MAPK4: variants seen among roughly 807,000 people sequenced by gnomAD.
The protein encoded by MAPK4 is mitogen-activated protein kinase 4, also known as Erk3-related.
MAPK4 carries 22 observed loss-of-function variants against 47.7 expected under a neutral mutation model. That is an observed-to-expected ratio of 0.46 (90% CI 0.33 to 0.66). MAPK4 has a LOEUF of 0.66. Among genes scored for constraint, MAPK4 ranks in the 30% least tolerant of loss-of-function variants. MAPK4 has a pLI of 0.02. For synonymous variants in MAPK4, 390 were observed against 365.7 expected, an observed-to-expected ratio of 1.07 and a Z score of -0.76; for missense variants, 736 against 831.7, an observed-to-expected ratio of 0.88 and a Z score of 1.42.
chr18:50,585,433 C>T (rs1346047677), intron 1 of MAPK4, among the ~76,000 whole-genome samples: 1 of 152,230 alleles, frequency 6.6e-6, no homozygotes, highest in Admixed American at 6.5e-5. Context: ...CTCTTTCCCT[C>T]TTCCCTGTCC....
At chr18:50,600,809 GA>G (rs562863530) in intron 1 of MAPK4, among the ~76,000 whole-genome samples, 1,518 of 145,718 alleles carry the variant, frequency 0.01, 9 homozygotes, top group East Asian at 0.053. Flanking sequence ...TTTAAAAAGT[GA>G]AAAAAAAAAA....
chr18:50,718,807 C>T (rs1450370978), intron 3 of MAPK4, among the ~76,000 whole-genome samples: 1 of 151,904 alleles, frequency 6.6e-6, no homozygotes. Context: ...ATAGGTTGGG[C>T]ATGGTGGTTC....
intron 1 of MAPK4, among the ~76,000 whole-genome samples, chr18:50,635,162 T>C (rs1306508613): frequency 6.6e-6 from 1 of 152,202 alleles, no homozygotes; most frequent in Non-Finnish European, 1.5e-5. Flanking sequence ...TTAACATCAG[T>C]GCCTCCTGTC....
At chr18:50,633,971 C>T (rs538279089) in intron 1 of MAPK4, among the ~76,000 whole-genome samples, 1 of 152,234 alleles carries the variant, frequency 6.6e-6, no homozygotes, top group African/African-American at 2.4e-5. Flanking sequence ...AACATTGTGC[C>T]ATAAATTTGG....
At position 50,726,162 on chromosome 18, in the gene MAPK4, A is replaced by G. The variant is rs776771680; in HGVS notation, c.1054A>G (p.Thr352Ala). 1.2e-6 allele frequency: 2 copies of G among 1,614,068 alleles called. No individual in the cohort carries two copies. The highest frequency in any genetic ancestry group is 2.2e-5 in the South Asian group (2 of 91,086). The change falls in exon 5 of 6, where the codon ACG (threonine) becomes GCG (alanine). Residue 352 changes from threonine (T) to alanine (A), a missense_variant. This residue lies in a region of MAPK4 where 377 missense variants were observed against 378.6 expected (regional missense o/e 1.00). Coordinates refer to ENST00000400384, the MANE Select transcript of MAPK4 (RefSeq NM_002747.4). ...ANQSQLSNWD[T>A]CSSRYPVSLS... ...CCAGAGCCAGCTGTCCAACTGGGAC[A>G]CGTGCAGTTCCAGGTGCTCGCAGCC...
chr18:50,721,987 AATCCGGGAGGAAGAC>A lies in MAPK4; in HGVS notation c.743_757del (p.Ile248_Asp252del), dbSNP rs1357201106. On this transcript the variant is annotated inframe_deletion, in exon 4 of 6. Coordinates refer to ENST00000400384, the MANE Select transcript of MAPK4 (RefSeq NM_002747.4). ...AACTCATCCTGGAGACCATCCCTGT[AATCCGGGAGGAAGAC>A]AAGGACGAGCTGCTCAGGGTGATGC... 1 of 1,613,962 alleles carries A rather than the reference AATCCGGGAGGAAGAC, an allele frequency of 6.2e-7. No homozygotes were observed. The highest frequency in any genetic ancestry group is 2.2e-5 in the East Asian group (1 of 44,880).
chr18:50,706,927 G>A (rs1450296929), intron 2 of MAPK4, among the ~76,000 whole-genome samples: 1 of 152,170 alleles, frequency 6.6e-6, no homozygotes, highest in Non-Finnish European at 1.5e-5. Flanking sequence ...ATAGGATTCA[G>A]AGTTCTTGAT....
chr18:50,631,287 C>T (rs1164358354), intron 1 of MAPK4, among the ~76,000 whole-genome samples: 1 of 151,938 alleles, frequency 6.6e-6, no homozygotes, highest in African/African-American at 2.4e-5. Flanking sequence ...GTTCCTAAGC[C>T]CAGGGAGGCT....
chr18:50,664,456 T>C lies in MAPK4; in HGVS notation c.498T>C (p.Ile166=). 1 of 1,611,854 alleles carries C rather than the reference T, an allele frequency of 6.2e-7. No individual in the cohort carries two copies. Among genetic ancestry groups the C allele is most frequent in the Non-Finnish European group, 8.5e-7 (1 of 1,178,422 alleles). Residue 166 remains isoleucine, a synonymous_variant, in exon 2 of 6, where the codon ATT becomes ATC. Transcript: ENST00000400384. The surrounding 1 kb of genome is among the most constrained non-coding windows in gnomAD (Gnocchi z 6.0). ...GCACAGAGGACCTCGTGCTCAAGAT[T>C]GGGGATTTCGGGTTGGCAAGGATCG... The part of the protein sequence containing the change: ...FISTEDLVLK[I]GDFGLARIVD...
intron 1 of MAPK4, among the ~76,000 whole-genome samples, chr18:50,617,651 T>G (rs1443445139): frequency 1.3e-5 from 2 of 152,178 alleles, no homozygotes; most frequent in Non-Finnish European, 1.5e-5. Context: ...ATTATAACTC[T>G]CTTCATGGGC....
chr18:50,727,893 T>C (rs1598965165), intron 5 of MAPK4, among the ~76,000 whole-genome samples: 1 of 152,154 alleles, frequency 6.6e-6, no homozygotes, highest in African/African-American at 2.4e-5. Context: ...CTACAGATAA[T>C]GTATGTTTGG....
intron 1 of MAPK4, among the ~76,000 whole-genome samples, chr18:50,628,945 G>C (rs2042805215): frequency 1.3e-5 from 2 of 152,212 alleles, no homozygotes. Flanking sequence ...ATCCAGATTA[G>C]ACTGGGGAGA....
At position 50,709,946 on chromosome 18, in the gene MAPK4, A is replaced by T. The variant is rs917021768; in HGVS notation, c.547-5133A>T. Among the ~76,000 whole-genome samples the T allele has an allele frequency of 2.3e-4, 35 of 151,996 alleles. 1 individual carries two copies. The highest frequency in any genetic ancestry group is 3.7e-4 in the Non-Finnish European group (25 of 67,914). On this transcript the variant is annotated intron_variant, in intron 2 of 5. Coordinates refer to ENST00000400384, the MANE Select transcript of MAPK4 (RefSeq NM_002747.4). ...TCTTTGAAGACAAGGGATGATCTGA[A>T]TCATTTTCCCATCCTTCACACAGGG...
At chr18:50,640,691 C>A (rs192661012) in intron 1 of MAPK4, among the ~76,000 whole-genome samples, 1 of 152,312 alleles carries the variant, frequency 6.6e-6, no homozygotes, top group Non-Finnish European at 1.5e-5. Flanking sequence ...GTCTCGAACT[C>A]CTGACCTCAG....
At chr18:50,579,378 C>T (rs1196591832) in intron 1 of MAPK4, among the ~76,000 whole-genome samples, 7 of 152,156 alleles carry the variant, frequency 4.6e-5, no homozygotes, top group African/African-American at 1.4e-4. Context: ...CTTCCCCCTA[C>T]ATGAATATTG....
chr18:50,663,931 T>A lies in MAPK4; in HGVS notation c.-28T>A. 1 of 1,583,760 alleles carries A rather than the reference T, an allele frequency of 6.3e-7. No homozygotes were observed. The highest frequency in any genetic ancestry group is 8.6e-7 in the Non-Finnish European group (1 of 1,161,752). On this transcript the variant is annotated 5_prime_UTR_variant, in exon 2 of 6. Coordinates refer to ENST00000400384, the MANE Select transcript of MAPK4 (RefSeq NM_002747.4). ...CTTTCCTGACTGCCCCTGTGTTACC[T>A]GGGCAGCTCCAGATCACTGAGCCCA...
chr18:50,568,933 TG>T (rs1456046198), intron 1 of MAPK4, among the ~76,000 whole-genome samples: 1 of 152,276 alleles, frequency 6.6e-6, no homozygotes. Context: ...TTACTTTTTA[TG>T]GGTCTTGGTT....
Position 50,729,342 on chromosome 18 carries a change from C to G in MAPK4, c.1252C>G (p.Arg418Gly), listed in dbSNP as rs764684614. The change falls in exon 6 of 6, where the codon CGC (arginine) becomes GGC (glycine). Residue 418 changes from arginine to glycine, a missense_variant. Arg to Gly is a moderately radical substitution (Grantham distance 125, BLOSUM62 -2). Around this residue, in one of 3 missense-constraint regions of MAPK4, gnomAD observed 377 missense variants for 378.6 expected, o/e 1.00. Transcript: ENST00000400384. ...AGAGCAGTCGCACTCGTCCATGGAG[C>G]GCGCCTTCGAGGCCGACTACGGGCG... ...FLEQSHSSME[R>G]AFEADYGRSC... The G allele has an allele frequency of 3.1e-6, 5 of 1,588,266 alleles. No individual in the cohort carries two copies. Among genetic ancestry groups the G allele is most frequent in the Non-Finnish European group, 4.3e-6 (5 of 1,167,506 alleles).
At chr18:50,600,805 A>G (rs1045822451) in intron 1 of MAPK4, among the ~76,000 whole-genome samples, 23 of 152,004 alleles carry the variant, frequency 1.5e-4, no homozygotes, top group African/African-American at 4.8e-4. Flanking sequence ...GCTTTTTAAA[A>G]AGTGAAAAAA....
Sources: gnomAD v4.1 joint callset for allele counts (sites outside exome capture counted in the v4.1 genomes callset) on GRCh38, gnomAD v4.1.1 for gene constraint, gnomAD v4.1.1 regional missense constraint, Gnocchi (gnomAD v3.1) non-coding constraint, MANE v1.5 for transcripts, NCBI Gene and HGNC (gene_info 2026-07-23, HGNC 2026-07-21) for gene names.